Variants in RFC5 observed in about 807,000 individuals in gnomAD.
RFC5 encodes A1 36 kDa subunit.
Under a neutral mutation model 44.3 loss-of-function variants are expected in RFC5, and 26 were observed. The ratio of observed to expected loss-of-function variants is 0.59; its 90% confidence interval spans 0.43 to 0.81. RFC5 has a LOEUF of 0.81. RFC5 is among the 40% of genes least tolerant of loss of function. The probability of loss-of-function intolerance (pLI) is 0.00; values close to 1 mark genes in which losing one functional copy is unlikely to be tolerated. For missense variants in RFC5, 328 were observed against 418.6 expected (o/e 0.78, Z 1.89); for synonymous variants, 155 against 155.2 (o/e 1.00, Z 0.01).
intron 1 of RFC5, among the ~76,000 whole-genome samples, chr12:118,017,522 T>G (rs150173962): frequency 8.5e-5 from 13 of 152,320 alleles, no homozygotes; most frequent in Middle Eastern, 3.4e-3. Flanking sequence ...TAAACAGCTA[T>G]GTTCTCGCAA....
At chr12:118,017,141 G>C (rs931477766) in intron 1 of RFC5, among the ~76,000 whole-genome samples, 1 of 152,138 alleles carries the variant, frequency 6.6e-6, no homozygotes, top group Admixed American at 6.5e-5. Context: ...AGAAGAAGGC[G>C]GCTTTCGCAC....
chr12:118,034,397 G>A, downstream of RFC5: 1 of 1,603,530 alleles, frequency 6.2e-7, no homozygotes, highest in Non-Finnish European at 8.5e-7. Flanking sequence ...ACAGAGCTTG[G>A]ATGTTCATGT....
chr12:118,036,609 C>T (rs1281275781), downstream of RFC5: 4 of 1,286,058 alleles, frequency 3.1e-6, no homozygotes, highest in Non-Finnish European at 4.3e-6. Flanking sequence ...GCAGGCCCTG[C>T]AGCCAGGGCT....
Position 118,016,899 on chromosome 12 carries a change from G to A in RFC5, c.65+7G>A. 6.2e-7 allele frequency: 1 copy of A among 1,612,600 alleles called. No individual in the cohort carries two copies. Among genetic ancestry groups the A allele is most frequent in the Non-Finnish European group, 8.5e-7 (1 of 1,179,280 alleles). Reference sequence around the variant, plus strand: ...AGATCAGGAACCTGCCCTGGTAGGAGGAGGCCGAGCGGCGGCGGTGGGCAG... The same window carrying A: ...AGATCAGGAACCTGCCCTGGTAGGAAGAGGCCGAGCGGCGGCGGTGGGCAG... On this transcript the variant is annotated splice_region_variant and intron_variant, in intron 1 of 10. Transcript: ENST00000454402.
At chr12:118,024,736 G>T in intron 5 of RFC5, 115 bp from the exon 6 acceptor site, 2 of 829,098 alleles carry the variant, frequency 2.4e-6, no homozygotes, top group Non-Finnish European at 1.9e-6. Context: ...TCACTTGTTT[G>T]CAGTATTGAA....
chr12:118,035,009 T>G (rs138971577), downstream of RFC5: 810 of 1,614,008 alleles, frequency 5.0e-4, 2 homozygotes, highest in Non-Finnish European at 6.2e-4. Flanking sequence ...CTCCACCATG[T>G]GGAAAAAATG....
chr12:118,035,066 C>G, downstream of RFC5: 1 of 1,614,186 alleles, frequency 6.2e-7, no homozygotes, highest in South Asian at 1.1e-5. Context: ...TGGGAGTTTT[C>G]AGTTCCAGGG....
downstream of RFC5, chr12:118,032,276 T>C (rs1818450848): frequency 6.6e-6 from 1 of 152,222 alleles, no homozygotes; most frequent in South Asian, 2.1e-4. Flanking sequence ...AAAAAGTCAC[T>C]ATTCCCTTTG....
rs561802712 is a variant in RFC5 at position 118,024,714 on chromosome 12, C to T, written c.422-137C>T. 3.6e-5 allele frequency: 26 copies of T among 724,882 alleles called. No individual in the cohort carries two copies. In the East Asian group the frequency reaches 5.6e-4, roughly 16 times the overall value. The allele number at this position is 724,882 out of a possible 1,614,324, so 44.9% of individuals were successfully genotyped here. A position where few individuals can be genotyped will look rare whatever the true frequency, so the allele number is the denominator to read the frequency against. On this transcript the variant is annotated intron_variant, in intron 5 of 10. Transcript: ENST00000454402. ...ACGTGAGCCACTAAGCCACTACGCC[C>T]GGCCAACATCCTCACTTGTTTGCAG... is the stretch of plus-strand genomic sequence containing the variant.
chr12:118,034,571 A>AGCGC (rs1555267381), downstream of RFC5: 8 of 456,950 alleles, frequency 1.8e-5, no homozygotes, highest in Non-Finnish European at 2.6e-5. Context: ...GTGATACCAA[A>AGCGC]GCGCTCTCTC....
intron 1 of RFC5, chr12:118,017,896 G>A: frequency 1.5e-6 from 1 of 673,952 alleles, no homozygotes. Flanking sequence ...GCAGTGTACT[G>A]TTGTGGAGTC....
At chr12:118,018,970 A>G (rs2030296940) in intron 1 of RFC5, 102 bp from the exon 2 acceptor site, 1 of 871,624 alleles carries the variant, frequency 1.1e-6, no homozygotes, top group Non-Finnish European at 1.9e-6. Flanking sequence ...AAGTGCTGGG[A>G]TTACAGGCAT....
downstream of RFC5, chr12:118,036,248 T>C: frequency 1.4e-6 from 2 of 1,436,516 alleles, no homozygotes; most frequent in Non-Finnish European, 1.9e-6. Context: ...CCCTCCCATG[T>C]CCCAGATTCT....
At chr12:118,017,544 C>A in intron 1 of RFC5, 1 of 418,492 alleles carries the variant, frequency 2.4e-6, no homozygotes, top group Non-Finnish European at 3.6e-6. Flanking sequence ...GCTTCCAAGA[C>A]TTTGAAGCAA....
intron 8 of RFC5, chr12:118,027,319 A>G (rs1043057816): frequency 1.5e-5 from 5 of 337,590 alleles, no homozygotes; most frequent in Non-Finnish European, 2.8e-5. Flanking sequence ...TGGTCATGAT[A>G]GTGATAGCTC....
intron 3 of RFC5, among the ~76,000 whole-genome samples, chr12:118,020,528 G>A (rs113405522): frequency 4.7e-4 from 72 of 152,264 alleles, no homozygotes; most frequent in African/African-American, 1.6e-3. Context: ...CTTTTTAGAC[G>A]CAGGTCTCAG....
intron 10 of RFC5, among the ~76,000 whole-genome samples, chr12:118,030,280 A>T (rs1394343900): frequency 6.6e-6 from 1 of 152,190 alleles, no homozygotes; most frequent in African/African-American, 2.4e-5. Context: ...AAGTAGACAG[A>T]GCATTGGGTT....
rs1010842832 is a variant in RFC5, at chr12:118,024,778, A to T, written c.422-73A>T. On this transcript the variant is annotated intron_variant, in intron 5 of 10. Transcript: ENST00000454402. Reference sequence around the variant, plus strand: ...CCTATACCCTTGTGACCACAGAAAAATTCAAGTTTTCTGGGCTCTCTGAAA... The same window carrying T: ...CCTATACCCTTGTGACCACAGAAAATTTCAAGTTTTCTGGGCTCTCTGAAA... 3.3e-5 allele frequency: 44 copies of T among 1,339,618 alleles called. No homozygotes were observed. The African/African-American group carries it at 6.0e-4, about 18-fold the overall frequency. 83.0% of individuals were successfully genotyped at this position (1,339,618 alleles called of 1,614,324 possible).
Position 118,027,082 on chromosome 12 carries a change from A to T in RFC5, c.793+64A>T, listed in dbSNP as rs1278635891. The T allele has an allele frequency of 3.3e-5, 51 of 1,540,288 alleles. No individual in the cohort carries two copies. In the East Asian group the frequency reaches 1.1e-3, roughly 33 times the overall value. The stretch of plus-strand genomic sequence containing the variant: ...AGGTGGCCCCAGGAGTTCAGGTTGC[A>T]GCCAGCACCCACACCTTGCTGGCAA... On this transcript the variant is annotated intron_variant, in intron 8 of 10. Transcript: ENST00000454402.
Sources: allele counts gnomAD v4.1 joint callset (sites outside exome capture counted in the v4.1 genomes callset), GRCh38; gene constraint gnomAD v4.1.1; transcripts MANE v1.5; gene names NCBI Gene and HGNC (gene_info 2026-07-23, HGNC 2026-07-21).